TNFAIP8: variants seen among roughly 807,000 people sequenced by gnomAD.
TNFAIP8 encodes the protein tumor necrosis factor alpha-induced protein 8.
In TNFAIP8, 7 loss-of-function variants were observed where a neutral mutation model predicts 13.3. That is an observed-to-expected ratio of 0.52 (90% confidence interval 0.30 to 0.99). The LOEUF is 0.99. TNFAIP8 is among the 50% of genes least tolerant of loss of function. The pLI, the probability that TNFAIP8 is intolerant of heterozygous loss-of-function variation, is 0.07. For missense variants in TNFAIP8, 258 were observed against 236.9 expected (o/e 1.09, Z -0.58); for synonymous variants, 94 against 87.6 (o/e 1.07, Z -0.41).
intron 1 of TNFAIP8, among the ~76,000 whole-genome samples, chr5:119,279,184 AAGG>A (rs750772589): frequency 2.0e-5 from 3 of 152,218 alleles, no homozygotes; most frequent in African/African-American, 4.8e-5. Context: ...ATTGAGGCTT[AAGG>A]AGGTTAAGTA....
chr5:119,309,130 C>T (rs1749655448), intron 1 of TNFAIP8, among the ~76,000 whole-genome samples: 1 of 152,164 alleles, frequency 6.6e-6, no homozygotes, highest in Admixed American at 6.5e-5. Context: ...CTCCTCTACT[C>T]AAACCACAAC....
chr5:119,366,527 C>T (rs1190290635), intron 1 of TNFAIP8, among the ~76,000 whole-genome samples: 1 of 152,152 alleles, frequency 6.6e-6, no homozygotes, highest in African/African-American at 2.4e-5. Flanking sequence ...AAAATGATTT[C>T]CTCAAAAAAG....
intron 1 of TNFAIP8, among the ~76,000 whole-genome samples, chr5:119,280,984 C>T (rs1364036478): frequency 1.3e-5 from 2 of 151,908 alleles, no homozygotes; most frequent in Non-Finnish European, 2.9e-5. Context: ...TTAGTTTTTA[C>T]TGAGACTCAA....
chr5:119,342,883 T>C (rs1750787838), intron 1 of TNFAIP8, among the ~76,000 whole-genome samples: 1 of 152,218 alleles, frequency 6.6e-6, no homozygotes, highest in African/African-American at 2.4e-5. Context: ...GTTTATCGCC[T>C]GCATGTCTTT....
chr5:119,275,029 T>G (rs76310051), intron 1 of TNFAIP8, among the ~76,000 whole-genome samples: 14 of 143,124 alleles, frequency 9.8e-5, no homozygotes, highest in Non-Finnish European at 1.4e-4. Context: ...TTTTTTTTTT[T>G]GGCAGTGGAA....
At chr5:119,328,669 G>T (rs1474589206) in intron 1 of TNFAIP8, among the ~76,000 whole-genome samples, 1 of 152,166 alleles carries the variant, frequency 6.6e-6, no homozygotes, top group Non-Finnish European at 1.5e-5. Context: ...AAAATAACAG[G>T]TTGGTGATGG....
At chr5:119,317,391 T>C (rs544175077) in intron 1 of TNFAIP8, among the ~76,000 whole-genome samples, 4 of 152,202 alleles carry the variant, frequency 2.6e-5, no homozygotes, top group South Asian at 2.1e-4. Flanking sequence ...TATAAGAAAT[T>C]ATATAAGAAA....
chr5:119,371,298 T>A (rs1337543164), intron 1 of TNFAIP8, among the ~76,000 whole-genome samples: 1 of 152,190 alleles, frequency 6.6e-6, no homozygotes, highest in Non-Finnish European at 1.5e-5. Context: ...TCGTTGCCTA[T>A]ATAAAGACTA....
chr5:119,288,394 C>T (rs1342870648), intron 1 of TNFAIP8, among the ~76,000 whole-genome samples: 3 of 152,110 alleles, frequency 2.0e-5, no homozygotes, highest in Admixed American at 2.0e-4. Flanking sequence ...AAGGCACGGT[C>T]TTATTCTGAT....
chr5:119,342,739 T>G (rs188808765), intron 1 of TNFAIP8, among the ~76,000 whole-genome samples: 12 of 152,330 alleles, frequency 7.9e-5, no homozygotes, highest in Admixed American at 6.5e-4. Flanking sequence ...TCTTCAGCCT[T>G]CACTTCTGAC....
Position 119,356,141 on chromosome 5 carries a change from TG to T in TNFAIP8, c.31+25del. ...AGGAAGGTAGGATTCTGGTTTCTCC[TG>T]GGGGCCGGCCAAGTTCTGCGGAGGA... is the stretch of plus-strand genomic sequence containing the variant. On this transcript the variant is annotated intron_variant, in intron 1 of 1. Coordinates refer to ENST00000504771, the MANE Select transcript of TNFAIP8 (RefSeq NM_014350.4). 5 of 1,565,958 alleles carry T rather than the reference TG, an allele frequency of 3.2e-6. No individual in the cohort carries two copies. The highest frequency in any genetic ancestry group is 1.8e-5 in the Admixed American group (1 of 55,366).
Position 119,397,884 on chromosome 5 carries a change from G to A in TNFAIP8, c.*4503G>A, listed in dbSNP as rs1366618993. 3 of 152,292 alleles carry A rather than the reference G, an allele frequency of 2.0e-5. No homozygotes were observed. Among genetic ancestry groups the A allele is most frequent in the Admixed American group, 6.5e-5 (1 of 15,296 alleles). 9.4% of individuals were successfully genotyped at this position (152,292 alleles called of 1,614,324 possible). A position where few individuals can be genotyped will look rare whatever the true frequency, so the allele number is the denominator to read the frequency against. ...AAATTCCAGAAATGGAAACATTTTT[G>A]TGTAATATTGATTCATTTCTGTCTC... On this transcript the variant is annotated 3_prime_UTR_variant, in exon 2 of 2. Transcript: ENST00000504771.
At chr5:119,289,758 A>G (rs1051481053) in intron 1 of TNFAIP8, among the ~76,000 whole-genome samples, 2 of 152,244 alleles carry the variant, frequency 1.3e-5, no homozygotes, top group Admixed American at 6.5e-5. Flanking sequence ...GGGATAAGTT[A>G]GGAAAGCCAG....
chr5:119,291,928 C>A (rs567454945), intron 1 of TNFAIP8, among the ~76,000 whole-genome samples: 132 of 152,304 alleles, frequency 8.7e-4, no homozygotes, highest in Non-Finnish European at 1.4e-3. Flanking sequence ...ATCTGTAACC[C>A]TGACCCATAC....
intron 1 of TNFAIP8, among the ~76,000 whole-genome samples, chr5:119,322,107 GATGTTACCCCAGGAGAAAGCCTATCCAA>G (rs1439341023): frequency 6.6e-6 from 1 of 152,086 alleles, no homozygotes; most frequent in Non-Finnish European, 1.5e-5. Flanking sequence ...TTTCTGCTCA[GATGTTACCCCAGGAGAAAGCCTATCCAA>G]AATGCTCCTC....
At chr5:119,295,245 CGTTTAGTCTAACGTTAGACCTAT>C (rs1749137751) in intron 1 of TNFAIP8, among the ~76,000 whole-genome samples, 1 of 57,102 alleles carries the variant, frequency 1.8e-5, no homozygotes, top group East Asian at 3.3e-4. Context: ...ATAGGTCTAA[CGTTTAGTCTAACGTTAGACCTAT>C]AGGTCTAACG....
intron 1 of TNFAIP8, among the ~76,000 whole-genome samples, chr5:119,350,606 A>G (rs1751087361): frequency 2.6e-5 from 4 of 152,216 alleles, no homozygotes; most frequent in Admixed American, 2.6e-4. Flanking sequence ...ATACACCTAG[A>G]AAGCCTAGGA....
At chr5:119,276,435 T>C (rs1039251324) in intron 1 of TNFAIP8, among the ~76,000 whole-genome samples, 3 of 152,172 alleles carry the variant, frequency 2.0e-5, no homozygotes, top group African/African-American at 7.2e-5. Flanking sequence ...TCTGTTTTTT[T>C]TATGGTTGCC....
intron 1 of TNFAIP8, among the ~76,000 whole-genome samples, chr5:119,339,040 T>C (rs925650625): frequency 6.8e-6 from 1 of 147,036 alleles, no homozygotes; most frequent in Non-Finnish European, 1.5e-5. Context: ...AGCAAGACTT[T>C]GTCTCTTAAA....
Sources: gnomAD v4.1 joint callset for allele counts (sites outside exome capture counted in the v4.1 genomes callset) on GRCh38, gnomAD v4.1.1 for gene constraint, MANE v1.5 for transcripts, NCBI Gene and HGNC (gene_info 2026-07-23, HGNC 2026-07-21) for gene names.